Variants in SLC6A13 observed in about 807,000 individuals in gnomAD.
SLC6A13 encodes solute carrier family 6 member 13, also known as sodium- and chloride-dependent GABA transporter 2.
Under a neutral mutation model 72.9 loss-of-function variants are expected in SLC6A13, and 69 were observed. The ratio of observed to expected loss-of-function variants is 0.95; its 90% confidence interval spans 0.78 to 1.16. The LOEUF is 1.16. Among genes scored for constraint, SLC6A13 ranks in the 50% most tolerant of loss-of-function variants. The probability of loss-of-function intolerance (pLI) is 0.00; values close to 1 mark genes in which losing one functional copy is unlikely to be tolerated. For synonymous variants in SLC6A13, 303 were observed against 303.0 expected (o/e 1.00, Z 0.00); for missense variants, 735 against 760.5 (o/e 0.97, Z 0.39).
chr12:237,217 G>A lies in SLC6A13; in HGVS notation c.637C>T (p.Leu213=). Residue 213 remains leucine, a synonymous_variant, in exon 6 of 15, where the codon CTG becomes TTG. Transcript: ENST00000343164. ...AAGTAGCAGATGACCCAGGCCAGCA[G>A]GAGGCACAGAGCCAGCTCCCAGCGC... ...ALRWELALCL[L]LAWVICYFCI... The A allele has an allele frequency of 6.2e-7, 1 of 1,614,066 alleles. No homozygotes were observed. Among genetic ancestry groups the A allele is most frequent in the South Asian group, 1.1e-5 (1 of 91,084 alleles).
At chr12:227,769 G>A (rs1390556566) in intron 7 of SLC6A13, 101 bp from the exon 8 acceptor site, 1 of 1,001,978 alleles carries the variant, frequency 1.0e-6, no homozygotes, top group East Asian at 2.6e-5. Context: ...ACTGGCTAGG[G>A]ATGGCGAGAA....
intron 2 of SLC6A13, among the ~76,000 whole-genome samples, chr12:256,280 CAGTA>C (rs1467011742): frequency 6.6e-6 from 1 of 151,990 alleles, no homozygotes; most frequent in Non-Finnish European, 1.5e-5. Context: ...GCTACGTGCT[CAGTA>C]AGTATTTGCT....
chr12:247,616 G>T (rs935907034), intron 2 of SLC6A13, among the ~76,000 whole-genome samples: 1 of 152,142 alleles, frequency 6.6e-6, no homozygotes, highest in Non-Finnish European at 1.5e-5. Flanking sequence ...CAGGGAGAAT[G>T]AAATGATATC....
At chr12:247,748 T>C (rs1942403540) in intron 2 of SLC6A13, among the ~76,000 whole-genome samples, 2 of 152,152 alleles carry the variant, frequency 1.3e-5, no homozygotes, top group South Asian at 4.1e-4. Context: ...AATTGACTGG[T>C]TAAACAAAAA....
In SLC6A13 at chr12:237,202, T is replaced by A; in HGVS notation, c.652A>T (p.Ile218Phe). ...CCCTTCCAGATGCAGAAGTAGCAGA[T>A]GACCCAGGCCAGCAGGAGGCACAGA... ...LALCLLLAWV[I>F]CYFCIWKGVK... The change falls in exon 6 of 15, where the codon ATC becomes TTC. Residue 218 changes from isoleucine to phenylalanine, a missense_variant. Transcript: ENST00000343164. The A allele has an allele frequency of 1.2e-6, 2 of 1,614,062 alleles. No individual in the cohort carries two copies. The highest frequency in any genetic ancestry group is 1.7e-6 in the Non-Finnish European group (2 of 1,179,958).
At chr12:262,416 A>G (rs1942955137) in intron 1 of SLC6A13, among the ~76,000 whole-genome samples, 1 of 152,268 alleles carries the variant, frequency 6.6e-6, no homozygotes, top group Non-Finnish European at 1.5e-5. Flanking sequence ...GGAAATATAC[A>G]TATGTATACA....
At chr12:223,017 G>A (rs1416248563) in intron 12 of SLC6A13, 115 bp downstream of exon 12, 10 of 661,076 alleles carry the variant, frequency 1.5e-5, no homozygotes, top group Non-Finnish European at 2.6e-5. Flanking sequence ...AGGTTGGGTA[G>A]GGAGGCGCCC....
chr12:226,680 G>C lies in SLC6A13; in HGVS notation c.936-166C>G, dbSNP rs1414084464. 4 of 745,294 alleles carry C rather than the reference G, an allele frequency of 5.4e-6. No homozygotes were observed. In the African/African-American group the frequency reaches 7.1e-5, roughly 13 times the overall value. 46.2% of individuals were successfully genotyped at this position (745,294 alleles called of 1,614,324 possible). On this transcript the variant is annotated intron_variant, in intron 8 of 14. Coordinates refer to ENST00000343164, the MANE Select transcript of SLC6A13 (RefSeq NM_016615.5). ...GGCAGAATTCAGAGGACCACGCAAA[G>C]CACTGGCTCTCCTCCGACACTCCTC...
chr12:252,003 C>T (rs1377070775), intron 2 of SLC6A13, among the ~76,000 whole-genome samples: 1 of 152,008 alleles, frequency 6.6e-6, no homozygotes, highest in Non-Finnish European at 1.5e-5. Context: ...AATTACAAAA[C>T]ACAGAATGAA....
At chr12:259,526 A>G (rs1200183834) in intron 2 of SLC6A13, 6 of 1,353,376 alleles carry the variant, frequency 4.4e-6, no homozygotes, top group East Asian at 2.7e-5. Context: ...AGGAGCGGCA[A>G]TTGATGCTCT....
At position 238,367 on chromosome 12, in the gene SLC6A13, G is replaced by A. The variant is rs992897131; in HGVS notation, c.479-357C>T. 3.1e-6 allele frequency: 4 copies of A among 1,305,622 alleles called. No homozygotes were observed. In the Admixed American group the frequency reaches 6.8e-5, roughly 22 times the overall value. 80.9% of individuals were successfully genotyped at this position (1,305,622 alleles called of 1,614,324 possible). The stretch of plus-strand genomic sequence containing the variant: ...ACCTTCGAGGAATAATAAGAGGGAA[G>A]TGATGTGTCAGAGTGGCCGAGAGCG... On this transcript the variant is annotated intron_variant, in intron 4 of 14. Transcript: ENST00000343164.
intron 2 of SLC6A13, among the ~76,000 whole-genome samples, chr12:245,300 T>C (rs1942309523): frequency 6.6e-6 from 1 of 152,236 alleles, no homozygotes; most frequent in South Asian, 2.1e-4. Context: ...AGCACACTTC[T>C]ATTGCTACCT....
chr12:257,468 T>G (rs1002000488), intron 2 of SLC6A13, among the ~76,000 whole-genome samples: 2 of 151,998 alleles, frequency 1.3e-5, no homozygotes, highest in Non-Finnish European at 2.9e-5. Context: ...GGGTAGGTAG[T>G]GTAAGGGTTA....
In SLC6A13 at chr12:254,276, C is replaced by T. The variant is rs183755289; in HGVS notation, c.202+5575G>A. Among the ~76,000 whole-genome samples the T allele has an allele frequency of 2.0e-5, 3 of 152,364 alleles. No homozygotes were observed. In the East Asian group the frequency reaches 5.8e-4, roughly 29 times the overall value. ...TACGCAGGACTCACATGGCCCCCTT[C>T]CGCCCAGAAGGGAAATACACAAGGA... is the stretch of plus-strand genomic sequence containing the variant. On this transcript the variant is annotated intron_variant, in intron 2 of 14. Coordinates refer to ENST00000343164, the MANE Select transcript of SLC6A13 (RefSeq NM_016615.5). The surrounding 1 kb of genome is among the most constrained non-coding windows in gnomAD (Gnocchi z 4.4).
At chr12:238,176 C>T in intron 4 of SLC6A13, 166 bp from the exon 5 acceptor site, 1 of 1,533,864 alleles carries the variant, frequency 6.5e-7, no homozygotes, top group Non-Finnish European at 8.7e-7. Flanking sequence ...ATAACCTCAA[C>T]AAATGCAGCT....
chr12:238,223 G>C, intron 4 of SLC6A13: 1 of 1,520,504 alleles, frequency 6.6e-7, no homozygotes, highest in South Asian at 1.2e-5. Context: ...TGGGTACATA[G>C]ATGCTTGGGT....
At chr12:235,274 A>G (rs1159801031) in intron 6 of SLC6A13, 50 bp from the exon 7 acceptor site, 7 of 1,606,218 alleles carry the variant, frequency 4.4e-6, no homozygotes, top group Non-Finnish European at 6.0e-6. Context: ...AGGAAGCAGC[A>G]GGGGCAGGAG....
rs558920421 is a variant in SLC6A13, at chr12:221,066, A to G, written c.1691T>C (p.Ile564Thr). ...GTLKGPFRER[I>T]RQLMCPAEDL... ...CTCGGCTGGGCACATGAGCTGACGG[A>G]TTCTCTGCGGGGATAGCAGAGGTGG... Residue 564 changes from isoleucine to threonine, a missense_variant, in exon 15 of 15, where the codon ATC becomes ACC. Coordinates refer to ENST00000343164, the MANE Select transcript of SLC6A13 (RefSeq NM_016615.5). The G allele has an allele frequency of 1.9e-6, 3 of 1,602,846 alleles. No homozygotes were observed. Among genetic ancestry groups the G allele is most frequent in the South Asian group, 2.2e-5 (2 of 89,608 alleles).
At chr12:257,353 G>T in intron 2 of SLC6A13, 1 of 152,564 alleles carries the variant, frequency 6.6e-6, no homozygotes. Flanking sequence ...GCCCCTGCCT[G>T]CAGCTCCCCA....
Sources: allele counts gnomAD v4.1 joint callset (sites outside exome capture counted in the v4.1 genomes callset), GRCh38; gene constraint gnomAD v4.1.1; non-coding constraint Gnocchi (gnomAD v3.1); transcripts MANE v1.5; gene names NCBI Gene and HGNC (gene_info 2026-07-23, HGNC 2026-07-21).